IKZF2: variants seen among roughly 807,000 people sequenced by gnomAD.
IKZF2 encodes IKAROS family zinc finger 2.
IKZF2 carries 15 observed loss-of-function variants against 49.2 expected under a neutral mutation model. The ratio of observed to expected loss-of-function variants is 0.30; its 90% CI spans 0.20 to 0.47. IKZF2 has a LOEUF of 0.47. Ranked by LOEUF, IKZF2 falls within the 20% of genes least tolerant of loss-of-function variation. The pLI is 1.00. For synonymous variants in IKZF2, 227 were observed against 221.4 expected (o/e 1.03, Z -0.23); for missense variants, 567 against 664.6 (o/e 0.85, Z 1.61).
chr2:213,112,997 C>T (rs545305906), intron 4 of IKZF2, among the ~76,000 whole-genome samples: 6 of 152,246 alleles, frequency 3.9e-5, no homozygotes, highest in African/African-American at 1.4e-4. Context: ...CAAAAACTTG[C>T]ATCCCCAAAA....
intron 4 of IKZF2, among the ~76,000 whole-genome samples, chr2:213,085,226 G>A (rs1704445700): frequency 6.6e-6 from 1 of 152,074 alleles, no homozygotes; most frequent in South Asian, 2.1e-4. Flanking sequence ...CGAAAGGTGA[G>A]CTCCTTCTTT....
intron 4 of IKZF2, among the ~76,000 whole-genome samples, chr2:213,128,570 G>A (rs1437896614): frequency 6.6e-6 from 1 of 152,078 alleles, no homozygotes; most frequent in Non-Finnish European, 1.5e-5. Context: ...AAACATAAGA[G>A]TGTATCATGT....
intron 4 of IKZF2, among the ~76,000 whole-genome samples, chr2:213,133,367 A>C (rs1234752566): frequency 6.6e-6 from 1 of 152,194 alleles, no homozygotes; most frequent in Non-Finnish European, 1.5e-5. Flanking sequence ...GACATATATT[A>C]GGTCCCACTT....
intron 4 of IKZF2, among the ~76,000 whole-genome samples, chr2:213,072,026 G>GT (rs1231534041): frequency 1.3e-5 from 2 of 151,914 alleles, no homozygotes; most frequent in Non-Finnish European, 2.9e-5. Flanking sequence ...TAGAACATTG[G>GT]TCAAAAATAA....
At chr2:213,025,163 G>A (rs376198530) in intron 6 of IKZF2, among the ~76,000 whole-genome samples, 17 of 152,098 alleles carry the variant, frequency 1.1e-4, no homozygotes, top group East Asian at 9.6e-4. Context: ...CTGTTTTAGC[G>A]TCTGAGATCA....
intron 4 of IKZF2, among the ~76,000 whole-genome samples, chr2:213,130,628 C>T (rs1367460319): frequency 2.0e-5 from 3 of 152,094 alleles, no homozygotes; most frequent in Non-Finnish European, 4.4e-5. Flanking sequence ...GATTGATTAC[C>T]ACAAACAGTT....
At chr2:213,089,570 C>G (rs1319630805) in intron 4 of IKZF2, among the ~76,000 whole-genome samples, 1 of 152,160 alleles carries the variant, frequency 6.6e-6, no homozygotes, top group Non-Finnish European at 1.5e-5. Flanking sequence ...TCACAATTCC[C>G]AAGAATGATT....
chr2:213,009,778 T>A (rs1025868842), intron 8 of IKZF2, among the ~76,000 whole-genome samples: 1 of 152,154 alleles, frequency 6.6e-6, no homozygotes, highest in African/African-American at 2.4e-5. Context: ...ACCAGGGGAC[T>A]AAAGGAACAC....
chr2:213,077,468 G>T (rs549623634), intron 4 of IKZF2, among the ~76,000 whole-genome samples: 1 of 151,324 alleles, frequency 6.6e-6, no homozygotes, highest in Non-Finnish European at 1.5e-5. Context: ...AATGAAAATA[G>T]TAAGTAAGTA....
Position 213,013,830 on chromosome 2 carries a change from T to C in IKZF2, c.817A>G (p.Met273Val). 2 of 1,611,798 alleles carry C rather than the reference T, an allele frequency of 1.2e-6. No homozygotes were observed. The highest frequency in any genetic ancestry group is 1.1e-5 in the South Asian group (1 of 90,930). The part of the protein sequence containing the change: ...PAVIEKLTGN[M>V]GKRKSSTPQK... ...GGAGTGGAGCTTTTACGTTTTCCCA[T>C]ATTCCCCGTGAGCTTCTCTATGACA... The change falls in exon 8 of 9, where the codon ATG becomes GTG. Residue 273 changes from methionine (M) to valine (V), a missense_variant. Around this residue, in one of 5 missense-constraint regions of IKZF2, gnomAD observed 310 missense variants for 326.9 expected, o/e 0.95. Coordinates refer to ENST00000434687, the MANE Select transcript of IKZF2 (RefSeq NM_001387220.1).
intron 4 of IKZF2, among the ~76,000 whole-genome samples, chr2:213,063,400 C>A (rs1413604230): frequency 1.3e-5 from 2 of 151,906 alleles, no homozygotes; most frequent in East Asian, 1.9e-4. Context: ...CCTCTTCTGC[C>A]ATTTAACTTG....
chr2:213,138,051 A>G lies in IKZF2; in HGVS notation c.139+9657T>C, dbSNP rs142516186. Among the ~76,000 whole-genome samples the G allele has an allele frequency of 7.6e-4, 116 of 152,276 alleles. 1 individual carries two copies. In the East Asian group the frequency reaches 0.019, roughly 26 times the overall value. On this transcript the variant is annotated intron_variant, in intron 4 of 8. Coordinates refer to ENST00000434687, the MANE Select transcript of IKZF2 (RefSeq NM_001387220.1). ...TTTATTAGAACGTGACTTCACACTG[A>G]TTAATTATACACTCATCAAAATATC...
intron 4 of IKZF2, among the ~76,000 whole-genome samples, chr2:213,060,095 TA>T (rs2125406373): frequency 6.6e-6 from 1 of 151,444 alleles, no homozygotes; most frequent in African/African-American, 2.4e-5. Flanking sequence ...CCAGTGTAAC[TA>T]ATCTTTCACC....
intron 4 of IKZF2, among the ~76,000 whole-genome samples, chr2:213,067,309 G>C (rs1168345288): frequency 6.6e-6 from 1 of 152,036 alleles, no homozygotes; most frequent in Non-Finnish European, 1.5e-5. Context: ...TGGAAGTACA[G>C]GGAAGATGCA....
chr2:213,117,220 G>A (rs1267969195), intron 4 of IKZF2, among the ~76,000 whole-genome samples: 1 of 152,014 alleles, frequency 6.6e-6, no homozygotes, highest in Non-Finnish European at 1.5e-5. Flanking sequence ...TCCAACACAA[G>A]CCTTACGAGA....
chr2:213,123,866 T>A (rs1229440943), intron 4 of IKZF2, among the ~76,000 whole-genome samples: 1 of 151,850 alleles, frequency 6.6e-6, no homozygotes, highest in Non-Finnish European at 1.5e-5. Flanking sequence ...AAAACCTACA[T>A]GAAAGCCTGC....
At chr2:213,112,318 C>CT (rs1559289075) in intron 4 of IKZF2, among the ~76,000 whole-genome samples, 1 of 144,326 alleles carries the variant, frequency 6.9e-6, no homozygotes, top group Non-Finnish European at 1.5e-5. Context: ...GGCTTGCAAA[C>CT]TTTTTTTTGA....
At chr2:213,088,671 T>G (rs1471988728) in intron 4 of IKZF2, among the ~76,000 whole-genome samples, 1 of 152,054 alleles carries the variant, frequency 6.6e-6, no homozygotes, top group African/African-American at 2.4e-5. Context: ...GGCAGGAGAA[T>G]CGCTTGAACC....
At position 213,007,521 on chromosome 2, in the gene IKZF2, C is replaced by T. The variant is rs372900002; in HGVS notation, c.1420G>A (p.Glu474Lys). The T allele has an allele frequency of 1.2e-6, 2 of 1,613,606 alleles. No individual in the cohort carries two copies. The highest frequency in any genetic ancestry group is 2.7e-5 in the African/African-American group (2 of 74,880). The change falls in exon 9 of 9, where the codon GAG becomes AAG. Residue 474 changes from glutamate to lysine, a missense_variant. Around this residue, in one of 5 missense-constraint regions of IKZF2, gnomAD observed 22 missense variants for 52.3 expected, o/e 0.42. Coordinates refer to ENST00000434687, the MANE Select transcript of IKZF2 (RefSeq NM_001387220.1). ...EGEQIRAFKC[E>K]HCRVLFLDHV... The stretch of plus-strand genomic sequence containing the variant: ...TCTAGGAAAAGGACTCGGCAGTGCT[C>T]ACACTTGAAGGCCCTAATCTGTTCT...
Sources: allele counts gnomAD v4.1 joint callset (sites outside exome capture counted in the v4.1 genomes callset), GRCh38; gene constraint gnomAD v4.1.1; regional missense constraint gnomAD v4.1.1; transcripts MANE v1.5; gene names NCBI Gene and HGNC (gene_info 2026-07-23, HGNC 2026-07-21).